Variants in FGFR1 observed in about 807,000 individuals in gnomAD.
FGFR1 encodes fibroblast growth factor receptor 1, also known as FGFR1/PLAG1 fusion.
Under a neutral mutation model 93.7 loss-of-function variants are expected in FGFR1, and 18 were observed. The observed-to-expected ratio is 0.19, with a 90% CI of 0.13 to 0.28. FGFR1 has a LOEUF of 0.28. Among genes scored for constraint, FGFR1 ranks in the 10% least tolerant of loss-of-function variants. The probability of loss-of-function intolerance (pLI) is 1.00; values close to 1 mark genes in which losing one functional copy is unlikely to be tolerated. For synonymous variants in FGFR1, 448 were observed against 429.3 expected, an observed-to-expected ratio of 1.04 and a Z score of -0.54; for missense variants, 731 against 1,080.4, an observed-to-expected ratio of 0.68 and a Z score of 4.53.
In FGFR1 at chr8:38,429,537, G is replaced by T; in HGVS notation, c.358+145C>A. The T allele has an allele frequency of 1.0e-6, 1 of 958,906 alleles. No individual in the cohort carries two copies. Among genetic ancestry groups the T allele is most frequent in the Non-Finnish European group, 1.6e-6 (1 of 630,576 alleles). The allele number at this position is 958,906 out of a possible 1,614,324, so 59.4% of individuals were successfully genotyped here. On this transcript the variant is annotated intron_variant, in intron 3 of 17. Transcript: ENST00000447712. This position sits in a 1 kb window ranked among gnomAD's most constrained non-coding sequence, Gnocchi z 4.4. ...GAGAGCCAAGCCACGCGGCAGGCAG[G>T]GAGCAATGTTAGTGGGCAGCAGTTT...
intron 2 of FGFR1, among the ~76,000 whole-genome samples, chr8:38,452,702 C>T (rs1236082127): frequency 3.9e-5 from 6 of 151,980 alleles, no homozygotes; most frequent in African/African-American, 1.4e-4. Flanking sequence ...ATTGGCCAGG[C>T]ATGGTGGCTA....
chr8:38,434,329 C>CTT (rs57569029), intron 2 of FGFR1: 83 of 113,858 alleles, frequency 7.3e-4, no homozygotes, highest in African/African-American at 1.8e-3. Flanking sequence ...ATTGCTGCTG[C>CTT]TTTTTTTTTT....
chr8:38,465,282 G>A (rs899381697), intron 1 of FGFR1: 4 of 232,220 alleles, frequency 1.7e-5, no homozygotes, highest in Non-Finnish European at 2.6e-5. Context: ...TGCCCACTCT[G>A]GCCTGAATTC....
chr8:38,435,609 T>TA (rs1341343834), intron 2 of FGFR1: 1 of 152,274 alleles, frequency 6.6e-6, no homozygotes, highest in African/African-American at 2.4e-5. Flanking sequence ...ACCATGTCAG[T>TA]ACTTTCCATT....
At chr8:38,447,179 C>T (rs1359288545) in intron 2 of FGFR1, among the ~76,000 whole-genome samples, 1 of 150,996 alleles carries the variant, frequency 6.6e-6, no homozygotes, top group Non-Finnish European at 1.5e-5. Flanking sequence ...GGATGCCTGA[C>T]TCCTGTGAGA....
Position 38,431,431 on chromosome 8 carries a change from G to T in FGFR1, c.92-1483C>A, listed in dbSNP as rs1245635061. ...ACCTACTACGATGCCTGGCGCCCAG[G>T]AGTTGCTCAAGAAATGCTTGCTCAA... On this transcript the variant is annotated intron_variant, in intron 2 of 17. Transcript: ENST00000447712. Among the ~76,000 whole-genome samples the T allele has an allele frequency of 6.6e-5, 10 of 152,290 alleles. No individual in the cohort carries two copies. In the South Asian group the frequency reaches 2.1e-3, roughly 32 times the overall value.
chr8:38,466,408 A>G (rs1440270869), intron 1 of FGFR1: 1 of 231,738 alleles, frequency 4.3e-6, no homozygotes, highest in Non-Finnish European at 8.5e-6. Context: ...TTCTGGCCAG[A>G]CGCACAGCCA....
At chr8:38,419,882 T>G in intron 8 of FGFR1, 147 bp from the exon 9 acceptor site, 1 of 669,952 alleles carries the variant, frequency 1.5e-6, no homozygotes, top group South Asian at 1.9e-5. Flanking sequence ...GGACTGGGAT[T>G]GTGGCACTAG....
chr8:38,414,917 G>A lies in FGFR1; in HGVS notation c.1855-16C>T, dbSNP rs371160786. ...GGTGTATGCACTGAGGAAGGAGGAAGGGAGAGCGGGAGGCGGGGAGGTGAG... is the reference window on the plus strand; with the variant it reads ...GGTGTATGCACTGAGGAAGGAGGAAAGGAGAGCGGGAGGCGGGGAGGTGAG... On this transcript the variant is annotated splice_polypyrimidine_tract_variant and intron_variant, in intron 13 of 17. Coordinates refer to ENST00000447712, the MANE Select transcript of FGFR1 (RefSeq NM_023110.3). The A allele has an allele frequency of 9.4e-4, 1,511 of 1,608,384 alleles. 3 individuals are homozygous for A. Among genetic ancestry groups the A allele is most frequent in the Non-Finnish European group, 1.1e-3 (1,278 of 1,177,058 alleles).
chr8:38,445,608 G>A lies in FGFR1; in HGVS notation c.91+11748C>T, dbSNP rs143001553. On this transcript the variant is annotated intron_variant, in intron 2 of 17. Transcript: ENST00000447712. Reference sequence around the variant, plus strand: ...GGCTGGAGTGCAATGGTGCAATCTTGGCTCACTGCAACCTCCGCCTCCTGG... The same window carrying A: ...GGCTGGAGTGCAATGGTGCAATCTTAGCTCACTGCAACCTCCGCCTCCTGG... 5.4e-3 allele frequency among the ~76,000 whole-genome samples: 815 copies of A among 152,104 alleles called. 7 individuals carry two copies. Among genetic ancestry groups the A allele is most frequent in the African/African-American group, 0.018 (752 of 41,500 alleles).
chr8:38,427,006 CTG>C (rs1475043527), intron 5 of FGFR1, among the ~76,000 whole-genome samples: 1 of 151,522 alleles, frequency 6.6e-6, no homozygotes, highest in Non-Finnish European at 1.5e-5. Flanking sequence ...ACTCGGGAGG[CTG>C]AGGCAGGAGA....
At chr8:38,425,935 A>T (rs893963777) in intron 6 of FGFR1, 187 bp downstream of exon 6, 3 of 729,734 alleles carry the variant, frequency 4.1e-6, no homozygotes, top group Non-Finnish European at 4.8e-6. Context: ...GTCTGATCTT[A>T]ACTCTATTTT....
chr8:38,422,277 T>C, intron 7 of FGFR1: 5 of 463,244 alleles, frequency 1.1e-5, no homozygotes, highest in South Asian at 1.1e-4. Context: ...TGGTTTCAGG[T>C]AAAGATAGCC....
chr8:38,451,093 C>T (rs890741448), intron 2 of FGFR1, among the ~76,000 whole-genome samples: 2 of 152,186 alleles, frequency 1.3e-5, no homozygotes, highest in African/African-American at 4.8e-5. Flanking sequence ...CCTAAATCCT[C>T]CACCCTTGTT....
chr8:38,442,754 G>C (rs781184697), intron 2 of FGFR1, among the ~76,000 whole-genome samples: 17 of 152,194 alleles, frequency 1.1e-4, no homozygotes, highest in Non-Finnish European at 1.8e-4. Flanking sequence ...GCAGGGAAAA[G>C]TTGCCGCTCC....
intron 4 of FGFR1, 104 bp downstream of exon 4, chr8:38,428,242 G>GT (rs899509112): frequency 6.9e-7 from 1 of 1,454,328 alleles, no homozygotes; most frequent in Admixed American, 1.7e-5. Flanking sequence ...AACAGGCACC[G>GT]TGACCCCATG....
intron 7 of FGFR1, 34 bp from the exon 8 acceptor site, chr8:38,421,975 A>G: frequency 6.2e-7 from 1 of 1,613,252 alleles, no homozygotes; most frequent in East Asian, 2.2e-5. Context: ...ATGGACAAGC[A>G]CAGGACATGA....
At chr8:38,450,259 C>T (rs921483119) in intron 2 of FGFR1, among the ~76,000 whole-genome samples, 7 of 152,120 alleles carry the variant, frequency 4.6e-5, no homozygotes, top group African/African-American at 1.4e-4. Context: ...AGGCCTGGGC[C>T]GCCCCGTTCA....
In FGFR1 at chr8:38,414,765, T is replaced by C. The variant is rs1465828279; in HGVS notation, c.1977+14A>G. 14 of 1,613,962 alleles carry C rather than the reference T, an allele frequency of 8.7e-6. No homozygotes were observed. Among genetic ancestry groups the C allele is most frequent in the African/African-American group, 1.3e-5 (1 of 74,936 alleles). Reference sequence around the variant, plus strand: ...ATGAAACCACCAGCACAGGGCGGCCTTGTCGGCACTCACGTTGGTTGTCTT... The same window carrying C: ...ATGAAACCACCAGCACAGGGCGGCCCTGTCGGCACTCACGTTGGTTGTCTT... On this transcript the variant is annotated intron_variant, in intron 14 of 17. Transcript: ENST00000447712.
Sources: gnomAD v4.1 joint callset for allele counts (sites outside exome capture counted in the v4.1 genomes callset) on GRCh38, gnomAD v4.1.1 for gene constraint, Gnocchi (gnomAD v3.1) non-coding constraint, MANE v1.5 for transcripts, NCBI Gene and HGNC (gene_info 2026-07-23, HGNC 2026-07-21) for gene names.